CDC42SE2: variants seen among roughly 807,000 people sequenced by gnomAD.
CDC42SE2 encodes CDC42 small effector 2, also known as CDC42 small effector protein 2.
CDC42SE2 carries 3 observed loss-of-function variants against 11.5 expected under a neutral mutation model. That is an observed-to-expected ratio of 0.26 (90% confidence interval 0.12 to 0.67). The LOEUF is 0.67. CDC42SE2 is among the 30% of genes least tolerant of loss of function. The probability of loss-of-function intolerance (pLI) is 0.80; values close to 1 mark genes in which losing one functional copy is unlikely to be tolerated. For synonymous variants in CDC42SE2, 33 were observed against 34.8 expected (o/e 0.95, Z 0.18); for missense variants, 82 against 106.8 (o/e 0.77, Z 1.02).
intron 1 of CDC42SE2, among the ~76,000 whole-genome samples, chr5:131,270,492 A>G (rs912144741): frequency 6.6e-6 from 1 of 152,256 alleles, no homozygotes; most frequent in Non-Finnish European, 1.5e-5. Context: ...TACATTCAAC[A>G]TTGTGTATGT....
chr5:131,292,639 C>T (rs928251944), intron 1 of CDC42SE2, among the ~76,000 whole-genome samples: 41 of 151,400 alleles, frequency 2.7e-4, no homozygotes, highest in African/African-American at 9.2e-4. Flanking sequence ...TGGCTTGTGC[C>T]TGTAATCCCA....
At chr5:131,351,135 C>T (rs1010586155) in intron 2 of CDC42SE2, among the ~76,000 whole-genome samples, 4 of 151,888 alleles carry the variant, frequency 2.6e-5, no homozygotes, top group South Asian at 2.1e-4. Context: ...TTTGTAGAGA[C>T]GGGACTTTGC....
At chr5:131,250,343 A>G (rs1270975728) in intron 1 of CDC42SE2, among the ~76,000 whole-genome samples, 2 of 152,220 alleles carry the variant, frequency 1.3e-5, no homozygotes, top group Non-Finnish European at 2.9e-5. Flanking sequence ...ACTTATATTG[A>G]CACATGTTAG....
intron 3 of CDC42SE2, among the ~76,000 whole-genome samples, chr5:131,377,153 A>G (rs1434069157): frequency 4.0e-5 from 6 of 150,322 alleles, no homozygotes; most frequent in African/African-American, 1.2e-4. Context: ...ACCAGCATCT[A>G]TTATTATTTG....
chr5:131,254,697 A>AAGG (rs1756666891), intron 1 of CDC42SE2, among the ~76,000 whole-genome samples: 11 of 226 alleles, frequency 0.049, no homozygotes, highest in South Asian at 0.39. Flanking sequence ...AGAAAGAAAA[A>AAGG]AGCTTATGTA....
At chr5:131,295,385 T>C (rs572804073) in intron 1 of CDC42SE2, among the ~76,000 whole-genome samples, 15 of 152,260 alleles carry the variant, frequency 9.9e-5, no homozygotes, top group South Asian at 2.1e-4. Context: ...TTAATGTCTA[T>C]CTGTAGAGGA....
chr5:131,346,965 G>C (rs572436109), intron 2 of CDC42SE2, among the ~76,000 whole-genome samples: 44 of 151,964 alleles, frequency 2.9e-4, no homozygotes, highest in African/African-American at 9.6e-4. Flanking sequence ...CGAGAACAAA[G>C]ACACAACAAA....
At chr5:131,267,495 G>A (rs1561565670) in intron 1 of CDC42SE2, among the ~76,000 whole-genome samples, 1 of 152,024 alleles carries the variant, frequency 6.6e-6, no homozygotes, top group South Asian at 2.1e-4. Context: ...TTGAAATGTT[G>A]GTGTTTTCTT....
chr5:131,217,261 A>G, the CDC42SE2 span, among the ~76,000 whole-genome samples: 1 of 152,318 alleles, frequency 6.6e-6, no homozygotes, highest in Admixed American at 6.5e-5. Context: ...TGTGACAGAG[A>G]CTATATGGCC....
chr5:131,344,544 G>A (rs972020665), intron 2 of CDC42SE2, among the ~76,000 whole-genome samples: 2 of 152,234 alleles, frequency 1.3e-5, no homozygotes, highest in South Asian at 4.1e-4. Flanking sequence ...AAGGAGGCCT[G>A]CCTGCCTCTG....
intron 2 of CDC42SE2, among the ~76,000 whole-genome samples, chr5:131,346,821 A>G (rs1301130483): frequency 6.6e-6 from 1 of 152,256 alleles, no homozygotes; most frequent in African/African-American, 2.4e-5. Context: ...CCACAGTGCA[A>G]TCAAACTAGA....
chr5:131,264,091 G>C lies in CDC42SE2; in HGVS notation c.-530G>C, dbSNP rs568712912. The C allele has an allele frequency of 6.6e-6, 1 of 152,404 alleles. No homozygotes were observed. The highest frequency in any genetic ancestry group is 2.1e-4 in the South Asian group (1 of 4,836). 9.4% of individuals were successfully genotyped at this position (152,404 alleles called of 1,614,324 possible). ...CGCGCTGGGGAGCGCAGCTGCAGGC[G>C]TTGGGGCGGCAGGAGCCGCGGAGCC... On this transcript the variant is annotated 5_prime_UTR_variant, in exon 1 of 5. Transcript: ENST00000505065.
At chr5:131,308,975 A>G (rs1320197195) in intron 1 of CDC42SE2, among the ~76,000 whole-genome samples, 1 of 149,418 alleles carries the variant, frequency 6.7e-6, no homozygotes, top group Non-Finnish European at 1.5e-5. Flanking sequence ...AGAACTTCCA[A>G]CACTATGTTG....
intron 2 of CDC42SE2, among the ~76,000 whole-genome samples, chr5:131,333,542 A>G (rs550309829): frequency 5.3e-5 from 8 of 152,244 alleles, no homozygotes; most frequent in East Asian, 1.9e-4. Flanking sequence ...CATTGAATCT[A>G]TATATTACCT....
intron 1 of CDC42SE2, among the ~76,000 whole-genome samples, chr5:131,301,757 C>CA (rs776546882): frequency 0.012 from 1,261 of 106,266 alleles, 6 homozygotes; most frequent in African/African-American, 0.022. Flanking sequence ...GACTCCGTCT[C>CA]AAAAAAAAAA....
At chr5:131,243,542 C>T (rs1482510976), upstream of CDC42SE2, among the ~76,000 whole-genome samples, 2 of 152,094 alleles carry the variant, frequency 1.3e-5, no homozygotes, top group Non-Finnish European at 2.9e-5. Flanking sequence ...GCCGAGATCG[C>T]GCCACTGCAC....
intron 2 of CDC42SE2, among the ~76,000 whole-genome samples, chr5:131,338,922 G>A (rs1561590214): frequency 2.0e-5 from 3 of 152,084 alleles, no homozygotes; most frequent in Admixed American, 6.6e-5. Flanking sequence ...TGTGAATTTC[G>A]AAGCAGTAGC....
the CDC42SE2 span, among the ~76,000 whole-genome samples, chr5:131,212,265 G>A: frequency 1.3e-5 from 2 of 151,862 alleles, no homozygotes; most frequent in African/African-American, 4.8e-5. Context: ...CTGCCACCAC[G>A]CCCAGCTAAT....
the CDC42SE2 span, among the ~76,000 whole-genome samples, chr5:131,223,761 A>G: frequency 2.0e-5 from 3 of 152,118 alleles, no homozygotes; most frequent in East Asian, 5.8e-4. Flanking sequence ...CTACTGCCCA[A>G]TTTTTTAATA....
Sources: allele counts gnomAD v4.1 joint callset (sites outside exome capture counted in the v4.1 genomes callset), GRCh38; gene constraint gnomAD v4.1.1; transcripts MANE v1.5; gene names NCBI Gene and HGNC (gene_info 2026-07-23, HGNC 2026-07-21).